Variants in LRRC4C observed in about 807,000 individuals in gnomAD.
LRRC4C encodes the protein leucine-rich repeat-containing protein 4C.
Under a neutral mutation model 33.6 loss-of-function variants are expected in LRRC4C, and 5 were observed. That is an observed-to-expected ratio of 0.15 (90% CI 0.08 to 0.31). The LOEUF is 0.31. Ranked by LOEUF, LRRC4C falls within the 10% of genes least tolerant of loss-of-function variation. The pLI, the probability that LRRC4C is intolerant of heterozygous loss-of-function variation, is 1.00. For missense variants in LRRC4C, 560 were observed against 796.7 expected (o/e 0.70, Z 3.58); for synonymous variants, 329 against 302.0 (o/e 1.09, Z -0.93).
intron 2 of LRRC4C, among the ~76,000 whole-genome samples, chr11:40,819,050 C>A (rs964659400): frequency 1.8e-4 from 27 of 149,614 alleles, no homozygotes; most frequent in African/African-American, 6.9e-4. Context: ...TCCTATGAAA[C>A]TTTTAAAGAA....
At chr11:40,558,626 A>G (rs980257559) in intron 3 of LRRC4C, among the ~76,000 whole-genome samples, 1 of 152,128 alleles carries the variant, frequency 6.6e-6, no homozygotes, top group African/African-American at 2.4e-5. Flanking sequence ...TGTCTCCTTG[A>G]TATTCTAGTC....
intron 6 of LRRC4C, among the ~76,000 whole-genome samples, chr11:40,138,584 T>A (rs961993006): frequency 6.6e-6 from 1 of 152,248 alleles, no homozygotes; most frequent in Non-Finnish European, 1.5e-5. Flanking sequence ...ACAGCCACTC[T>A]GTGGTGGGGC....
intron 1 of LRRC4C, among the ~76,000 whole-genome samples, chr11:41,369,577 G>A (rs755877313): frequency 3.9e-5 from 6 of 152,134 alleles, no homozygotes; most frequent in South Asian, 2.1e-4. Flanking sequence ...GAAATCAGAT[G>A]AGAGCATGAG....
intron 2 of LRRC4C, among the ~76,000 whole-genome samples, chr11:40,917,515 G>A (rs770809487): frequency 5.9e-5 from 9 of 152,026 alleles, no homozygotes; most frequent in Middle Eastern, 3.2e-3. Flanking sequence ...CTTAAATTAT[G>A]CGTTGTATGC....
intron 1 of LRRC4C, among the ~76,000 whole-genome samples, chr11:41,184,826 A>G (rs1945617264): frequency 6.6e-6 from 1 of 152,046 alleles, no homozygotes; most frequent in Non-Finnish European, 1.5e-5. Context: ...AAAAAAAAAA[A>G]AAAAAAAGGT....
chr11:40,647,182 C>A (rs1353516483), intron 3 of LRRC4C, among the ~76,000 whole-genome samples: 1 of 152,142 alleles, frequency 6.6e-6, no homozygotes, highest in Non-Finnish European at 1.5e-5. Flanking sequence ...TGAGAGAGAG[C>A]TAAATATTAA....
chr11:40,848,984 T>C (rs1043384264), intron 2 of LRRC4C, among the ~76,000 whole-genome samples: 1 of 152,320 alleles, frequency 6.6e-6, no homozygotes, highest in African/African-American at 2.4e-5. Flanking sequence ...TTCTTTTTGC[T>C]TTCCATTTGC....
chr11:41,131,730 T>A (rs886474083), intron 1 of LRRC4C, among the ~76,000 whole-genome samples: 2 of 152,080 alleles, frequency 1.3e-5, no homozygotes, highest in Admixed American at 6.6e-5. Context: ...TGAAACAGGA[T>A]GAGGGAAAGA....
At chr11:40,225,372 AG>A (rs1864711791) in intron 5 of LRRC4C, among the ~76,000 whole-genome samples, 1 of 152,188 alleles carries the variant, frequency 6.6e-6, no homozygotes, top group African/African-American at 2.4e-5. Flanking sequence ...TTTCCTATAA[AG>A]TTTCCACCAT....
At position 41,366,022 on chromosome 11, in the gene LRRC4C, T is replaced by C. The variant is rs151172822; in HGVS notation, c.-496+93409A>G. ...TATGTATGTTAAATGTGTAGGATAATAATGGCTTGCATAAAATAAGCATTA... is the reference window on the plus strand; with the variant it reads ...TATGTATGTTAAATGTGTAGGATAACAATGGCTTGCATAAAATAAGCATTA... On this transcript the variant is annotated intron_variant, in intron 1 of 6. Coordinates refer to ENST00000528697, the MANE Select transcript of LRRC4C (RefSeq NM_001258419.2). Among the ~76,000 whole-genome samples, 641 of 152,338 alleles carry C rather than the reference T, an allele frequency of 4.2e-3. 3 individuals carry two copies. Among genetic ancestry groups the C allele is most frequent in the African/African-American group, 0.014 (564 of 41,584 alleles).
intron 1 of LRRC4C, among the ~76,000 whole-genome samples, chr11:40,979,777 C>T (rs1400350757): frequency 6.6e-6 from 1 of 152,178 alleles, no homozygotes; most frequent in East Asian, 1.9e-4. Flanking sequence ...AAACATATTC[C>T]TTGTCTGGAC....
intron 2 of LRRC4C, among the ~76,000 whole-genome samples, chr11:40,812,432 A>C (rs1252146031): frequency 6.6e-6 from 1 of 152,218 alleles, no homozygotes; most frequent in Non-Finnish European, 1.5e-5. Context: ...AATGATAATA[A>C]AATGATAGTG....
intron 2 of LRRC4C, among the ~76,000 whole-genome samples, chr11:40,902,792 C>T (rs1262226412): frequency 6.6e-6 from 1 of 152,116 alleles, no homozygotes; most frequent in Non-Finnish European, 1.5e-5. Flanking sequence ...ATCTTTAATT[C>T]TATGAAGGCT....
At chr11:41,318,682 T>C (rs1036341293) in intron 1 of LRRC4C, among the ~76,000 whole-genome samples, 2 of 152,228 alleles carry the variant, frequency 1.3e-5, no homozygotes, top group African/African-American at 2.4e-5. Context: ...CCCTTTGGCT[T>C]TTTGTAATAA....
intron 3 of LRRC4C, among the ~76,000 whole-genome samples, chr11:40,336,956 G>T (rs1020174971): frequency 6.5e-5 from 8 of 123,978 alleles, no homozygotes; most frequent in Admixed American, 1.9e-4. Context: ...CAGCCTGGGG[G>T]ACAGAGCGAG....
intron 1 of LRRC4C, among the ~76,000 whole-genome samples, chr11:41,419,949 G>A: frequency 6.6e-6 from 1 of 151,778 alleles, no homozygotes; most frequent in East Asian, 1.9e-4. Context: ...AACTAAAGCA[G>A]CACCTTTGTA....
intron 2 of LRRC4C, among the ~76,000 whole-genome samples, chr11:40,819,515 G>A (rs545910887): frequency 1.3e-5 from 2 of 152,228 alleles, no homozygotes; most frequent in African/African-American, 2.4e-5. Context: ...GCCTATTGGT[G>A]TTGTTAGTAG....
chr11:41,365,904 T>G (rs1952517871), intron 1 of LRRC4C, among the ~76,000 whole-genome samples: 1 of 152,206 alleles, frequency 6.6e-6, no homozygotes, highest in African/African-American at 2.4e-5. Flanking sequence ...TCATGTGACC[T>G]AGGGAAATAT....
chr11:41,023,536 T>C (rs1856127006), intron 1 of LRRC4C, among the ~76,000 whole-genome samples: 1 of 151,798 alleles, frequency 6.6e-6, no homozygotes, highest in South Asian at 2.1e-4. Flanking sequence ...TATTTTCCCA[T>C]GGACAGAATA....
Sources: gnomAD v4.1 joint callset for allele counts (sites outside exome capture counted in the v4.1 genomes callset) on GRCh38, gnomAD v4.1.1 for gene constraint, MANE v1.5 for transcripts, NCBI Gene and HGNC (gene_info 2026-07-23, HGNC 2026-07-21) for gene names.